The following SNTG1 variants were observed in gnomAD, a reference collection of about 807,000 sequenced individuals.
SNTG1 encodes syntrophin gamma 1.
Under a neutral mutation model 74.7 loss-of-function variants are expected in SNTG1, and 39 were observed. The observed-to-expected ratio is 0.52, with a 90% CI of 0.40 to 0.68. The LOEUF is 0.68. Among genes scored for constraint, SNTG1 ranks in the 30% least tolerant of loss-of-function variants. The probability of loss-of-function intolerance (pLI) is 0.00; values close to 1 mark genes in which losing one functional copy is unlikely to be tolerated. For missense variants in SNTG1, 685 were observed against 609.5 expected (o/e 1.12, Z -1.30); for synonymous variants, 254 against 217.1 (o/e 1.17, Z -1.49).
At chr8:50,675,647 G>T (rs2095306607) in intron 15 of SNTG1, among the ~76,000 whole-genome samples, 1 of 151,952 alleles carries the variant, frequency 6.6e-6, no homozygotes, top group African/African-American at 2.4e-5. Context: ...GGGGCATTTT[G>T]CCCAGTTACA....
At chr8:50,409,673 A>C (rs2092922940) in intron 4 of SNTG1, among the ~76,000 whole-genome samples, 1 of 152,228 alleles carries the variant, frequency 6.6e-6, no homozygotes, top group Admixed American at 6.5e-5. Context: ...TACCACTCTA[A>C]GTCAGAGATA....
intron 13 of SNTG1, among the ~76,000 whole-genome samples, chr8:50,601,180 A>AAAAAAAAAAAAAAAAAC (rs2094772111): frequency 6.7e-6 from 1 of 148,822 alleles, no homozygotes; most frequent in African/African-American, 2.5e-5. Flanking sequence ...AAAAAAAAAA[A>AAAAAAAAAAAAAAAAAC]AAAAGACATG....
At chr8:50,330,020 C>A (rs2090903020) in intron 2 of SNTG1, among the ~76,000 whole-genome samples, 1 of 152,160 alleles carries the variant, frequency 6.6e-6, no homozygotes, top group Admixed American at 6.6e-5. Context: ...TCCGCGTATC[C>A]ATTTGAGACC....
At chr8:50,670,848 T>G (rs1001131668) in intron 15 of SNTG1, among the ~76,000 whole-genome samples, 14 of 149,772 alleles carry the variant, frequency 9.3e-5, no homozygotes, top group African/African-American at 3.2e-4. Flanking sequence ...AACAGAGATA[T>G]AGATCAATGG....
chr8:50,339,868 AAGAC>A (rs1445756042), intron 2 of SNTG1, among the ~76,000 whole-genome samples: 11 of 152,128 alleles, frequency 7.2e-5, no homozygotes, highest in African/African-American at 2.6e-4. Context: ...TATCCATTAA[AAGAC>A]AGACTTTCTG....
intron 13 of SNTG1, among the ~76,000 whole-genome samples, chr8:50,652,076 G>A (rs2095150585): frequency 6.6e-6 from 1 of 152,044 alleles, no homozygotes; most frequent in African/African-American, 2.4e-5. Flanking sequence ...TTTCTCCTTT[G>A]ATCTGTGAAC....
At chr8:49,993,521 C>A (rs1813886711) in intron 1 of SNTG1, among the ~76,000 whole-genome samples, 1 of 152,088 alleles carries the variant, frequency 6.6e-6, no homozygotes, top group African/African-American at 2.4e-5. Context: ...AAACCTCACA[C>A]ACATTAGGTA....
chr8:50,576,655 A>G (rs1313121073), intron 12 of SNTG1, among the ~76,000 whole-genome samples: 1 of 151,972 alleles, frequency 6.6e-6, no homozygotes, highest in Non-Finnish European at 1.5e-5. Flanking sequence ...TTTGTAGATT[A>G]CATTTTATAA....
At chr8:50,020,467 A>G (rs1010578088) in intron 1 of SNTG1, among the ~76,000 whole-genome samples, 1 of 152,166 alleles carries the variant, frequency 6.6e-6, no homozygotes, top group Non-Finnish European at 1.5e-5. Flanking sequence ...TAAACTTTAT[A>G]TGTACAATGC....
chr8:50,295,566 C>A (rs1443260484), intron 2 of SNTG1, among the ~76,000 whole-genome samples: 2 of 152,142 alleles, frequency 1.3e-5, no homozygotes, highest in East Asian at 1.9e-4. Flanking sequence ...ACTGGAGTCA[C>A]CTGCATTGTC....
chr8:50,336,340 C>T (rs2091141344), intron 2 of SNTG1, among the ~76,000 whole-genome samples: 1 of 152,142 alleles, frequency 6.6e-6, no homozygotes, highest in Non-Finnish European at 1.5e-5. Context: ...CTAGTCAATT[C>T]CCCATGTTTC....
chr8:50,601,087 G>A (rs1386780057), intron 13 of SNTG1, among the ~76,000 whole-genome samples: 1 of 144,726 alleles, frequency 6.9e-6, no homozygotes, highest in East Asian at 2.0e-4. Context: ...GAACCTGGGA[G>A]GTGGAGGTTT....
chr8:50,605,620 G>A (rs1334363329), intron 13 of SNTG1, among the ~76,000 whole-genome samples: 1 of 152,142 alleles, frequency 6.6e-6, no homozygotes, highest in Admixed American at 6.6e-5. Context: ...TAGAGGATGG[G>A]GGAGGGGTGG....
At chr8:50,510,264 C>T (rs535480517) in intron 9 of SNTG1, among the ~76,000 whole-genome samples, 3 of 152,134 alleles carry the variant, frequency 2.0e-5, no homozygotes, top group African/African-American at 7.2e-5. Context: ...AGGGATGAAG[C>T]CCACTTGATC....
At chr8:50,671,527 T>C (rs1182295832) in intron 15 of SNTG1, among the ~76,000 whole-genome samples, 1 of 152,014 alleles carries the variant, frequency 6.6e-6, no homozygotes, top group Non-Finnish European at 1.5e-5. Context: ...TGGCGATCAT[T>C]AAAAAGTCAG....
intron 1 of SNTG1, among the ~76,000 whole-genome samples, chr8:50,066,147 G>A (rs887377073): frequency 8.5e-5 from 13 of 152,052 alleles, no homozygotes; most frequent in South Asian, 2.1e-4. Context: ...CCTGGGAGGC[G>A]GAGGTTGCGG....
At chr8:50,534,643 T>C (rs1161879714) in intron 10 of SNTG1, among the ~76,000 whole-genome samples, 1 of 152,118 alleles carries the variant, frequency 6.6e-6, no homozygotes, top group Non-Finnish European at 1.5e-5. Context: ...TAGTCAGGCC[T>C]GGTGGTGGGC....
chr8:50,065,896 T>A (rs368381613), intron 1 of SNTG1, among the ~76,000 whole-genome samples: 1 of 152,178 alleles, frequency 6.6e-6, no homozygotes, highest in South Asian at 2.1e-4. Context: ...GCACCTCCTT[T>A]CCCGTGATAG....
chr8:50,279,358 A>G (rs2088300295), intron 2 of SNTG1, among the ~76,000 whole-genome samples: 1 of 152,170 alleles, frequency 6.6e-6, no homozygotes, highest in African/African-American at 2.4e-5. Flanking sequence ...ACAAAATCTG[A>G]GTAAAGCATT....
Sources: gnomAD v4.1 joint callset for allele counts (sites outside exome capture counted in the v4.1 genomes callset) on GRCh38, gnomAD v4.1.1 for gene constraint, MANE v1.5 for transcripts, NCBI Gene and HGNC (gene_info 2026-07-23, HGNC 2026-07-21) for gene names.